CA10: variants seen among roughly 807,000 people sequenced by gnomAD.
The protein encoded by CA10 is carbonic anhydrase-related protein 10.
Under a neutral mutation model 44.2 loss-of-function variants are expected in CA10, and 14 were observed. The ratio of observed to expected loss-of-function variants is 0.32; its 90% CI spans 0.21 to 0.50. CA10 has a LOEUF of 0.50. Among genes scored for constraint, CA10 ranks in the 20% least tolerant of loss-of-function variants. CA10 has a pLI of 0.99. For missense variants in CA10, 350 were observed against 409.7 expected (o/e 0.85, Z 1.26); for synonymous variants, 159 against 141.6 (o/e 1.12, Z -0.87).
intron 2 of CA10, among the ~76,000 whole-genome samples, chr17:51,940,455 C>A (rs1228240212): frequency 6.6e-6 from 1 of 152,058 alleles, no homozygotes; most frequent in South Asian, 2.1e-4. Flanking sequence ...CTTGGGGGCA[C>A]AAGACTGTCA....
chr17:51,693,010 G>A lies in CA10; in HGVS notation c.466-39274C>T, dbSNP rs62060814. Among the ~76,000 whole-genome samples, 810 of 152,272 alleles carry A rather than the reference G, an allele frequency of 5.3e-3. 4 individuals are homozygous for A. The highest frequency in any genetic ancestry group is 9.0e-3 in the Non-Finnish European group (611 of 68,020). ...AGCCAGTTTCAGCCAGTTTCATTTG[G>A]TTTTGACTGGTTTCAACTAGCTTCT... On this transcript the variant is annotated intron_variant, in intron 4 of 8. Transcript: ENST00000451037.
At chr17:52,046,208 TAAAG>T (rs559971570) in intron 2 of CA10, among the ~76,000 whole-genome samples, 43 of 147,406 alleles carry the variant, frequency 2.9e-4, no homozygotes, top group African/African-American at 9.2e-4. Context: ...AAAGACATAA[TAAAG>T]AAATCAATTA....
chr17:51,965,960 A>G lies in CA10; in HGVS notation c.137-34828T>C, dbSNP rs140142815. 1.4e-3 allele frequency among the ~76,000 whole-genome samples: 212 copies of G among 152,036 alleles called. 1 individual carries two copies. Among genetic ancestry groups the G allele is most frequent in the Non-Finnish European group, 2.2e-4 (15 of 67,812 alleles). On this transcript the variant is annotated intron_variant, in intron 2 of 8. Transcript: ENST00000451037. ...CACTGCTGATAATGATTCTATACCT[A>G]TAAAACCCTAAAGACTCTGTCAAAA...
intron 4 of CA10, among the ~76,000 whole-genome samples, chr17:51,736,003 T>C (rs900314877): frequency 5.3e-5 from 8 of 152,172 alleles, no homozygotes; most frequent in African/African-American, 1.9e-4. Context: ...TTGGTCATGG[T>C]TACACAACTA....
intron 3 of CA10, among the ~76,000 whole-genome samples, chr17:51,787,848 T>C (rs929930674): frequency 3.3e-5 from 5 of 152,226 alleles, no homozygotes; most frequent in African/African-American, 1.2e-4. Context: ...ATTCGGATTT[T>C]CTTTTTTTCT....
At chr17:51,819,231 C>T (rs1422477853) in intron 3 of CA10, among the ~76,000 whole-genome samples, 1 of 152,148 alleles carries the variant, frequency 6.6e-6, no homozygotes, top group African/African-American at 2.4e-5. Context: ...ACTGAGGAAA[C>T]CATCCATATA....
At chr17:52,069,067 CTTT>C (rs1161865149) in intron 2 of CA10, among the ~76,000 whole-genome samples, 1 of 152,118 alleles carries the variant, frequency 6.6e-6, no homozygotes, top group East Asian at 1.9e-4. Context: ...GGACATTGGT[CTTT>C]TTCTCTTAAG....
chr17:51,835,656 G>A (rs1264024019), intron 3 of CA10, among the ~76,000 whole-genome samples: 3 of 152,150 alleles, frequency 2.0e-5, no homozygotes, highest in African/African-American at 7.2e-5. Flanking sequence ...AATGGGAGGG[G>A]GTTTAATACC....
chr17:52,034,291 T>A (rs1342490496), intron 2 of CA10, among the ~76,000 whole-genome samples: 1 of 152,140 alleles, frequency 6.6e-6, no homozygotes, highest in Non-Finnish European at 1.5e-5. Context: ...GTTTCATGAG[T>A]GTGTATTTAT....
chr17:52,120,680 G>A (rs995167434), intron 1 of CA10, among the ~76,000 whole-genome samples: 1 of 152,146 alleles, frequency 6.6e-6, no homozygotes, highest in South Asian at 2.1e-4. Context: ...ATGCCCACAA[G>A]GGACTGGTGG....
intron 3 of CA10, among the ~76,000 whole-genome samples, chr17:51,866,081 T>C (rs1258753932): frequency 6.6e-6 from 1 of 152,232 alleles, no homozygotes; most frequent in Non-Finnish European, 1.5e-5. Context: ...TATTGCCAAA[T>C]AAACAAAGGC....
intron 4 of CA10, among the ~76,000 whole-genome samples, chr17:51,716,128 A>G (rs1598004790): frequency 1.3e-5 from 2 of 152,274 alleles, no homozygotes; most frequent in South Asian, 4.1e-4. Flanking sequence ...TTCCTAAATC[A>G]ATAACTACTA....
chr17:51,736,322 G>C (rs750473271), intron 4 of CA10, among the ~76,000 whole-genome samples: 31 of 152,166 alleles, frequency 2.0e-4, no homozygotes, highest in Admixed American at 5.9e-4. Context: ...CCCTAGAGAG[G>C]CAGCTGCAAC....
At position 51,630,853 on chromosome 17, in the gene CA10, A is replaced by G. The variant is rs1912539187; in HGVS notation, c.*731T>C. On this transcript the variant is annotated 3_prime_UTR_variant, in exon 9 of 9. Coordinates refer to ENST00000451037, the MANE Select transcript of CA10 (RefSeq NM_020178.5). ...ACCTTTGGAAAACAAGAAACAGCAA[A>G]TGGATCATTTCTGATCTTGGCAAAT... The G allele has an allele frequency of 5.9e-5, 9 of 152,672 alleles. No individual in the cohort carries two copies. The highest frequency in any genetic ancestry group is 5.9e-4 in the Admixed American group (9 of 15,282). 9.5% of individuals were successfully genotyped at this position (152,672 alleles called of 1,614,324 possible). A position where few individuals can be genotyped will look rare whatever the true frequency, so the allele number is the denominator to read the frequency against.
chr17:51,743,764 G>C (rs566559944), intron 4 of CA10, among the ~76,000 whole-genome samples: 1 of 152,308 alleles, frequency 6.6e-6, no homozygotes, highest in East Asian at 1.9e-4. Context: ...ATAAACACAT[G>C]CTTTCTTGCT....
intron 2 of CA10, among the ~76,000 whole-genome samples, chr17:51,983,087 G>GA (rs1984706391): frequency 6.7e-6 from 1 of 148,988 alleles, no homozygotes; most frequent in South Asian, 2.1e-4. Context: ...ATTTTTTATA[G>GA]GAAATTTTTT....
chr17:51,732,330 T>C (rs994982508), intron 4 of CA10, among the ~76,000 whole-genome samples: 7 of 152,274 alleles, frequency 4.6e-5, no homozygotes, highest in Non-Finnish European at 1.0e-4. Flanking sequence ...GTGTACATTA[T>C]GGATTGCTTA....
intron 3 of CA10, among the ~76,000 whole-genome samples, chr17:51,843,856 A>G (rs997646761): frequency 6.6e-6 from 1 of 152,184 alleles, no homozygotes; most frequent in African/African-American, 2.4e-5. Context: ...AGTTTTACAG[A>G]AAAGTAAATT....
rs141861807 is a variant in CA10, at chr17:51,692,713, T to C, written c.466-38977A>G. The stretch of plus-strand genomic sequence containing the variant: ...ATTGGCCTATTGAAGGGCATGTTGG[T>C]GTTTCTAAGTTTTCACAATTATGAA... On this transcript the variant is annotated intron_variant, in intron 4 of 8. Transcript: ENST00000451037. Among the ~76,000 whole-genome samples the C allele has an allele frequency of 4.9e-3, 750 of 152,348 alleles. 9 individuals carry two copies. The highest frequency in any genetic ancestry group is 0.017 in the African/African-American group (712 of 41,580).
Sources: gnomAD v4.1 joint callset for allele counts (sites outside exome capture counted in the v4.1 genomes callset) on GRCh38, gnomAD v4.1.1 for gene constraint, MANE v1.5 for transcripts, NCBI Gene and HGNC (gene_info 2026-07-23, HGNC 2026-07-21) for gene names.